Variants in ERC2 observed in about 807,000 individuals in gnomAD.
ERC2 encodes the protein ERC protein 2.
Under a neutral mutation model 114.8 loss-of-function variants are expected in ERC2, and 42 were observed. The observed-to-expected ratio is 0.37, with a 90% CI of 0.29 to 0.47. The LOEUF is 0.47. ERC2 is among the 20% of genes least tolerant of loss of function. ERC2 has a pLI of 0.99. For missense variants in ERC2, 939 were observed against 1,150.7 expected, an observed-to-expected ratio of 0.82 and a Z score of 2.66; for synonymous variants, 454 against 425.5, an observed-to-expected ratio of 1.07 and a Z score of -0.82.
chr3:55,845,160 A>G (rs1040682340), intron 14 of ERC2, among the ~76,000 whole-genome samples: 1 of 152,168 alleles, frequency 6.6e-6, no homozygotes, highest in East Asian at 1.9e-4. Context: ...CTAACAGGAC[A>G]TGGATCAGTA....
intron 2 of ERC2, among the ~76,000 whole-genome samples, chr3:56,382,228 T>C (rs2059779839): frequency 6.6e-6 from 1 of 152,094 alleles, no homozygotes. Context: ...TCCTCTTGTG[T>C]ACTAGATCCC....
chr3:55,909,263 A>C (rs2064657336), intron 13 of ERC2, among the ~76,000 whole-genome samples: 1 of 152,224 alleles, frequency 6.6e-6, no homozygotes, highest in African/African-American at 2.4e-5. Flanking sequence ...GTATAACTCA[A>C]CTGGGAACAT....
At chr3:55,968,294 ACTC>A (rs1323926994) in intron 12 of ERC2, among the ~76,000 whole-genome samples, 1 of 152,064 alleles carries the variant, frequency 6.6e-6, no homozygotes, top group African/African-American at 2.4e-5. Context: ...TTAAAAGAAA[ACTC>A]CTGGCAACAC....
chr3:55,759,286 A>T (rs1248550825), intron 14 of ERC2, among the ~76,000 whole-genome samples: 2 of 152,110 alleles, frequency 1.3e-5, no homozygotes, highest in African/African-American at 4.8e-5. Context: ...TTACAATTTT[A>T]AAAAACAGCT....
chr3:55,573,140 T>C (rs1306571846), intron 17 of ERC2, among the ~76,000 whole-genome samples: 2 of 152,214 alleles, frequency 1.3e-5, no homozygotes, highest in South Asian at 2.1e-4. Flanking sequence ...TGGTATGTTA[T>C]GGAATGACAG....
chr3:55,550,854 A>C (rs571968947), intron 17 of ERC2, among the ~76,000 whole-genome samples: 1 of 152,124 alleles, frequency 6.6e-6, no homozygotes, highest in East Asian at 1.9e-4. Flanking sequence ...ATCTCTACTA[A>C]AAATACAAAA....
At chr3:56,074,559 C>T (rs1476302602) in intron 7 of ERC2, among the ~76,000 whole-genome samples, 1 of 152,042 alleles carries the variant, frequency 6.6e-6, no homozygotes, top group Non-Finnish European at 1.5e-5. Flanking sequence ...ATTCTCTTTG[C>T]AGAATAAGAT....
chr3:55,807,329 T>C (rs777686155), intron 14 of ERC2, among the ~76,000 whole-genome samples: 23 of 152,220 alleles, frequency 1.5e-4, no homozygotes, highest in Non-Finnish European at 2.8e-4. Context: ...AAGTGATGTG[T>C]TGATTTCTGG....
intron 12 of ERC2, among the ~76,000 whole-genome samples, chr3:55,985,087 GT>G (rs2070486163): frequency 6.6e-6 from 1 of 152,148 alleles, no homozygotes; most frequent in Non-Finnish European, 1.5e-5. Context: ...TTTTTTTGAA[GT>G]TTAGATAGCC....
intron 17 of ERC2, among the ~76,000 whole-genome samples, chr3:55,514,352 G>T (rs1181543805): frequency 6.6e-6 from 1 of 152,136 alleles, no homozygotes; most frequent in African/African-American, 2.4e-5. Flanking sequence ...AGCCGTGATT[G>T]TGCCACTCCA....
chr3:55,696,299 A>G (rs1250658003), intron 16 of ERC2, among the ~76,000 whole-genome samples: 2 of 152,192 alleles, frequency 1.3e-5, no homozygotes, highest in East Asian at 3.8e-4. Flanking sequence ...AAAGTTCAAG[A>G]GGCAATATCA....
chr3:55,790,892 C>A (rs1324587630), intron 14 of ERC2, among the ~76,000 whole-genome samples: 2 of 152,208 alleles, frequency 1.3e-5, no homozygotes. Flanking sequence ...CAGAGCTCAG[C>A]AAAGAGCTTC....
chr3:56,427,544 T>G (rs2061618980), intron 2 of ERC2, among the ~76,000 whole-genome samples: 1 of 152,186 alleles, frequency 6.6e-6, no homozygotes, highest in Non-Finnish European at 1.5e-5. Flanking sequence ...TACCTCAGAA[T>G]GTAACCTTCT....
intron 3 of ERC2, among the ~76,000 whole-genome samples, chr3:56,178,689 G>C (rs1446620695): frequency 6.6e-6 from 1 of 151,984 alleles, no homozygotes; most frequent in East Asian, 1.9e-4. Flanking sequence ...TGATACAGGG[G>C]ATACAAGAAA....
Position 55,891,437 on chromosome 3 carries a change from A to ATTTT in ERC2, c.2404-2892_2404-2889dup, listed in dbSNP as rs869073962. Among the ~76,000 whole-genome samples, 14 of 86,962 alleles carry ATTTT rather than the reference A, an allele frequency of 1.6e-4. 1 individual carries two copies. Among genetic ancestry groups the ATTTT allele is most frequent in the South Asian group, 7.4e-4 (2 of 2,712 alleles). 57.1% of individuals were successfully genotyped at this position (86,962 alleles called of 152,430 possible). A position where few individuals can be genotyped will look rare whatever the true frequency, so the allele number is the denominator to read the frequency against. ...CTTCACTGGTGAACTGTCTGGTTCT[A>ATTTT]TTTTTTTTTTTTTTTTTTTTTTTTT... On this transcript the variant is annotated intron_variant, in intron 13 of 17. Coordinates refer to ENST00000288221, the MANE Select transcript of ERC2 (RefSeq NM_015576.3).
chr3:55,772,628 TGTTAATTTTTGAAAAAAGTATTTCAA>T (rs2068307771), intron 14 of ERC2, among the ~76,000 whole-genome samples: 1 of 152,220 alleles, frequency 6.6e-6, no homozygotes, highest in East Asian at 1.9e-4. Flanking sequence ...TTTTATTTTA[TGTTAATTTTTGAAAAAAGTATTTCAA>T]GTTATCACCC....
intron 1 of ERC2, among the ~76,000 whole-genome samples, chr3:56,450,615 C>A (rs1461045691): frequency 6.6e-6 from 1 of 152,036 alleles, no homozygotes; most frequent in Admixed American, 6.6e-5. Context: ...TCACTTCAGG[C>A]CAGGAGTTTG....
chr3:56,220,400 T>C (rs147227589), intron 3 of ERC2, among the ~76,000 whole-genome samples: 39 of 152,200 alleles, frequency 2.6e-4, no homozygotes, highest in Admixed American at 2.1e-3. Context: ...AAACACTGCC[T>C]ACAATCAGGG....
rs1361812787 is a variant in ERC2 at position 55,992,255 on chromosome 3, A to G, written c.2062-5T>C. On this transcript the variant is annotated splice_polypyrimidine_tract_variant and splice_region_variant and intron_variant, in intron 10 of 17. Transcript: ENST00000288221. ...GTCATCTTCAATATTATGTGCCTTCAACATTACATTTTTAAAGAATGTAGT... is the reference window on the plus strand; with the variant it reads ...GTCATCTTCAATATTATGTGCCTTCGACATTACATTTTTAAAGAATGTAGT... The G allele has an allele frequency of 8.7e-6, 14 of 1,609,352 alleles. No individual in the cohort carries two copies. The highest frequency in any genetic ancestry group is 1.2e-5 in the Non-Finnish European group (14 of 1,177,544).
Sources: allele counts gnomAD v4.1 joint callset (sites outside exome capture counted in the v4.1 genomes callset), GRCh38; gene constraint gnomAD v4.1.1; transcripts MANE v1.5; gene names NCBI Gene and HGNC (gene_info 2026-07-23, HGNC 2026-07-21).